The following GRM7 variants were observed in gnomAD, a reference collection of about 807,000 sequenced individuals.
GRM7 encodes glutamate metabotropic receptor 7.
GRM7 carries 35 observed loss-of-function variants against 84.5 expected under a neutral mutation model. That is an observed-to-expected ratio of 0.41 (90% CI 0.32 to 0.55). The LOEUF (loss-of-function observed/expected upper bound fraction) is 0.55. Among genes scored for constraint, GRM7 ranks in the 20% least tolerant of loss-of-function variants. GRM7 has a pLI of 0.19. For missense variants in GRM7, 1,003 were observed against 1,194.6 expected, an observed-to-expected ratio of 0.84 and a Z score of 2.36; for synonymous variants, 487 against 455.1, an observed-to-expected ratio of 1.07 and a Z score of -0.89.
At chr3:7,285,649 C>T (rs1699406543) in intron 2 of GRM7, among the ~76,000 whole-genome samples, 1 of 151,928 alleles carries the variant, frequency 6.6e-6, no homozygotes, top group African/African-American at 2.4e-5. Flanking sequence ...CCTTGAGGGC[C>T]AGGCCAGAAT....
At chr3:7,243,361 T>A (rs1342253664) in intron 2 of GRM7, among the ~76,000 whole-genome samples, 1 of 152,080 alleles carries the variant, frequency 6.6e-6, no homozygotes, top group African/African-American at 2.4e-5. Flanking sequence ...TGAACTTAAT[T>A]TCCTAGCTAA....
chr3:7,695,256 A>C (rs1185599196), intron 9 of GRM7, among the ~76,000 whole-genome samples: 3 of 152,144 alleles, frequency 2.0e-5, no homozygotes, highest in African/African-American at 4.8e-5. Flanking sequence ...GAGCAGAAAA[A>C]CATAGCATCA....
intron 1 of GRM7, among the ~76,000 whole-genome samples, chr3:6,991,090 A>G (rs1281553378): frequency 6.6e-6 from 1 of 152,112 alleles, no homozygotes; most frequent in Non-Finnish European, 1.5e-5. Context: ...ACATACATAC[A>G]TACATGCACA....
chr3:7,337,428 A>C (rs914684170), intron 4 of GRM7, among the ~76,000 whole-genome samples: 3 of 151,984 alleles, frequency 2.0e-5, no homozygotes, highest in African/African-American at 7.2e-5. Context: ...TTAATTTAGC[A>C]AAAAAGCTTC....
chr3:7,329,465 G>A (rs1309799490), intron 4 of GRM7, among the ~76,000 whole-genome samples: 1 of 152,154 alleles, frequency 6.6e-6, no homozygotes, highest in Non-Finnish European at 1.5e-5. Flanking sequence ...GAATGGGTAT[G>A]TGGAGCTGCC....
intron 1 of GRM7, among the ~76,000 whole-genome samples, chr3:7,111,128 G>C (rs1403787166): frequency 6.6e-6 from 1 of 152,156 alleles, no homozygotes; most frequent in Non-Finnish European, 1.5e-5. Context: ...AGCAGGAAGT[G>C]ATGAGAGATA....
chr3:7,005,283 C>A (rs186515772), intron 1 of GRM7, among the ~76,000 whole-genome samples: 1 of 152,186 alleles, frequency 6.6e-6, no homozygotes, highest in Non-Finnish European at 1.5e-5. Context: ...TGTGGCCATC[C>A]GGGGACTCTG....
intron 2 of GRM7, among the ~76,000 whole-genome samples, chr3:7,178,461 A>G (rs9846718): frequency 0.11 from 16,177 of 152,092 alleles, 2,602 homozygotes; most frequent in African/African-American, 0.35. Flanking sequence ...ATCCCTATCA[A>G]TGCTGTGTGA....
intron 8 of GRM7, among the ~76,000 whole-genome samples, chr3:7,621,321 G>A (rs1697341609): frequency 6.6e-6 from 1 of 152,066 alleles, no homozygotes; most frequent in African/African-American, 2.4e-5. Context: ...GCTTGTTTTA[G>A]GAATTATGAT....
chr3:7,579,590 T>A, intron 8 of GRM7, among the ~76,000 whole-genome samples: 1 of 152,282 alleles, frequency 6.6e-6, no homozygotes, highest in East Asian at 1.9e-4. Flanking sequence ...TCAATTAAAT[T>A]ATAGAATTAT....
chr3:7,343,071 T>C (rs2125081718), intron 4 of GRM7, among the ~76,000 whole-genome samples: 1 of 152,262 alleles, frequency 6.6e-6, no homozygotes, highest in East Asian at 1.9e-4. Flanking sequence ...ATTGACTCAG[T>C]TTAGAGCTAT....
At chr3:7,117,011 G>A (rs915757154) in intron 1 of GRM7, among the ~76,000 whole-genome samples, 2 of 152,130 alleles carry the variant, frequency 1.3e-5, no homozygotes, top group African/African-American at 4.8e-5. Context: ...TGCTTTAAAG[G>A]TGAAAGTGTA....
intron 9 of GRM7, chr3:7,693,490 A>G: frequency 3.1e-6 from 2 of 654,574 alleles, no homozygotes; most frequent in South Asian, 3.4e-5. Context: ...TCCTAGGGTT[A>G]GTATGAAAAA....
chr3:7,375,254 G>T, intron 4 of GRM7, among the ~76,000 whole-genome samples: 1 of 128,178 alleles, frequency 7.8e-6, no homozygotes, highest in East Asian at 2.2e-4. Flanking sequence ...GTCTCACTCT[G>T]GTCACCCAGG....
At chr3:7,579,419 A>C in intron 8 of GRM7, 62 bp downstream of exon 8, 1 of 920,970 alleles carries the variant, frequency 1.1e-6, no homozygotes, top group African/African-American at 1.7e-5. Flanking sequence ...GTAAGTACTG[A>C]AACCAAATTG....
chr3:7,064,599 A>T (rs1490148650), intron 1 of GRM7, among the ~76,000 whole-genome samples: 1 of 149,174 alleles, frequency 6.7e-6, no homozygotes, highest in East Asian at 2.0e-4. Context: ...TCATTGATTG[A>T]TGGGCATTTG....
Position 7,306,594 on chromosome 3 carries a change from G to A in GRM7, c.975G>A (p.Gln325=), listed in dbSNP as rs770315325. The A allele has an allele frequency of 2.5e-6, 4 of 1,613,366 alleles. No individual in the cohort carries two copies. The African/African-American group carries it at 5.3e-5, about 22-fold the overall frequency. Residue 325 remains glutamine (Q), a synonymous_variant, in exon 4 of 10, where the codon CAG becomes CAA. Coordinates refer to ENST00000357716, the MANE Select transcript of GRM7 (RefSeq NM_000844.4). The part of the protein sequence containing the change: ...SWGSKINPLH[Q]HEDIAEGAIT... ...GATCCAAAATAAACCCACTGCACCA[G>A]CATGAAGATATCGCAGAAGGGGCCA...
At chr3:7,643,597 C>CT (rs1168496516) in intron 8 of GRM7, among the ~76,000 whole-genome samples, 2 of 152,178 alleles carry the variant, frequency 1.3e-5, no homozygotes, top group Admixed American at 6.6e-5. Flanking sequence ...GTTAGGGACT[C>CT]TATCTTAAAT....
intron 8 of GRM7, among the ~76,000 whole-genome samples, chr3:7,672,601 CT>C (rs773468950): frequency 0.014 from 1,684 of 116,938 alleles, 14 homozygotes; most frequent in East Asian, 0.094. Context: ...TTTTAATATA[CT>C]TTTTTTTTTT....
Sources: gnomAD v4.1 joint callset for allele counts (sites outside exome capture counted in the v4.1 genomes callset) on GRCh38, gnomAD v4.1.1 for gene constraint, MANE v1.5 for transcripts, NCBI Gene and HGNC (gene_info 2026-07-23, HGNC 2026-07-21) for gene names.